The following CCDC57 variants were observed in gnomAD, a reference collection of about 807,000 sequenced individuals.
The protein encoded by CCDC57 is coiled-coil domain-containing protein 57.
In CCDC57, 118 loss-of-function variants were observed where a neutral mutation model predicts 118.9. The ratio of observed to expected loss-of-function variants is 0.99; its 90% CI spans 0.86 to 1.16. The LOEUF (loss-of-function observed/expected upper bound fraction) is 1.16, where lower values mean the gene tolerates loss of function less well. Among genes scored for constraint, CCDC57 ranks in the 50% most tolerant of loss-of-function variants. CCDC57 has a pLI of 0.00. For missense variants in CCDC57, 1,300 were observed against 1,320.7 expected (o/e 0.98, Z 0.24); for synonymous variants, 527 against 532.9 (o/e 0.99, Z 0.15).
At chr17:82,127,792 G>A (rs1317465907) in exon 19 of CCDC57, 1 of 1,613,118 alleles carries the variant, frequency 6.2e-7, no homozygotes. Flanking sequence ...AGGAGGAGGA[G>A]CTGTGGGATT....
intron 4 of CCDC57, among the ~76,000 whole-genome samples, chr17:82,195,922 T>C (rs537576596): frequency 2.0e-5 from 3 of 152,312 alleles, no homozygotes; most frequent in Non-Finnish European, 4.4e-5. Flanking sequence ...CGTTAAAACG[T>C]CACGTTTCCT....
chr17:82,107,920 C>CA (rs1345083742), intron 19 of CCDC57, among the ~76,000 whole-genome samples: 1 of 152,172 alleles, frequency 6.6e-6, no homozygotes, highest in Admixed American at 6.5e-5. Context: ...GGCCCAGAGT[C>CA]ACGGCACGGA....
intron 19 of CCDC57, chr17:82,127,120 G>A: frequency 1.0e-6 from 1 of 985,454 alleles, no homozygotes; most frequent in African/African-American, 1.7e-5. Context: ...GTGACCTGCT[G>A]AGTTTACCAG....
At chr17:82,130,474 C>G (rs10852790) in intron 17 of CCDC57, among the ~76,000 whole-genome samples, 2 of 145,522 alleles carry the variant, frequency 1.4e-5, no homozygotes, top group South Asian at 2.2e-4. Context: ...GGATTACAGG[C>G]GTGAGCCACC....
intron 19 of CCDC57, chr17:82,113,181 C>T (rs935614289): frequency 3.4e-6 from 2 of 582,320 alleles, no homozygotes; most frequent in African/African-American, 1.9e-5. Context: ...CCAAGACTGC[C>T]CTGTCCTTTC....
intron 5 of CCDC57, 24 bp downstream of exon 4, chr17:82,195,239 C>A: frequency 3.9e-6 from 6 of 1,545,036 alleles, no homozygotes; most frequent in Non-Finnish European, 4.4e-6. Flanking sequence ...AAAACCTTCA[C>A]GACCCAAGGG....
At chr17:82,154,175 C>A (rs2042399854) in intron 15 of CCDC57, 1 of 152,364 alleles carries the variant, frequency 6.6e-6, no homozygotes, top group African/African-American at 2.4e-5. Flanking sequence ...TCAGGGAAGC[C>A]CAAAGCCAGG....
rs56298520 is a variant in CCDC57 at position 82,141,177 on chromosome 17, ATTTTT to A, written c.2456-6988_2456-6984del. On this transcript the variant is annotated intron_variant, in intron 16 of 19. Coordinates refer to ENST00000665763, the Ensembl canonical transcript of CCDC57. ...AGGCACGTGCCACCACGCCCGGCTA[ATTTTT>A]TTTTTTTTTTTTTTTTTGTGAGACA... Among the ~76,000 whole-genome samples, 715 of 121,472 alleles carry A rather than the reference ATTTTT, an allele frequency of 5.9e-3. 5 individuals are homozygous for A. Among genetic ancestry groups the A allele is most frequent in the African/African-American group, 0.02 (633 of 31,106 alleles). 79.7% of individuals were successfully genotyped at this position (121,472 alleles called of 152,430 possible). A position where few individuals can be genotyped will look rare whatever the true frequency, so the allele number is the denominator to read the frequency against.
At chr17:82,164,125 C>T (rs773888165) in intron 13 of CCDC57, among the ~76,000 whole-genome samples, 1 of 152,138 alleles carries the variant, frequency 6.6e-6, no homozygotes, top group Non-Finnish European at 1.5e-5. Flanking sequence ...CCTGTAATCT[C>T]AGCACTTTGG....
chr17:82,121,476 C>T (rs546364189), intron 19 of CCDC57, among the ~76,000 whole-genome samples: 45 of 152,364 alleles, frequency 3.0e-4, no homozygotes, highest in Non-Finnish European at 6.0e-4. Flanking sequence ...AGGGAGGCAA[C>T]ATGACCCCCA....
At chr17:82,142,801 C>T (rs2145607942) in intron 16 of CCDC57, among the ~76,000 whole-genome samples, 1 of 152,238 alleles carries the variant, frequency 6.6e-6, no homozygotes. Context: ...TAGTATTCCG[C>T]ACATTTGGTT....
chr17:82,200,004 C>T (rs2048803979), intron 3 of CCDC57, among the ~76,000 whole-genome samples: 1 of 152,208 alleles, frequency 6.6e-6, no homozygotes, highest in Admixed American at 6.5e-5. Context: ...GCTGCAGGGA[C>T]TGCAGACGCG....
chr17:82,200,656 G>C (rs894843694), intron 3 of CCDC57, among the ~76,000 whole-genome samples: 1 of 152,144 alleles, frequency 6.6e-6, no homozygotes, highest in Non-Finnish European at 1.5e-5. Context: ...AGCCGGGCGT[G>C]GTGGTGGGCA....
chr17:82,111,754 C>T (rs892309864), intron 19 of CCDC57, among the ~76,000 whole-genome samples: 1 of 150,312 alleles, frequency 6.7e-6, no homozygotes, highest in Non-Finnish European at 1.5e-5. Context: ...TTACAGGCAC[C>T]TGCCACCATG....
At chr17:82,152,437 GCTGGGCTCCCC>G (rs1199096174) in intron 15 of CCDC57, 1 of 154,640 alleles carries the variant, frequency 6.5e-6, no homozygotes, top group East Asian at 1.9e-4. Flanking sequence ...GCAGGAGCTG[GCTGGGCTCCCC>G]CTTAGCACCC....
chr17:82,180,397 T>C (rs2046057321), intron 9 of CCDC57, among the ~76,000 whole-genome samples: 1 of 152,244 alleles, frequency 6.6e-6, no homozygotes, highest in African/African-American at 2.4e-5. Flanking sequence ...GAACCTGAGA[T>C]AATAAATGGG....
At chr17:82,120,336 CTG>C (rs1419871752) in intron 19 of CCDC57, among the ~76,000 whole-genome samples, 8 of 152,182 alleles carry the variant, frequency 5.3e-5, no homozygotes, top group Non-Finnish European at 8.8e-5. Flanking sequence ...TGTGCATACT[CTG>C]TTACCCACAA....
intron 16 of CCDC57, among the ~76,000 whole-genome samples, chr17:82,141,780 G>A (rs1344028941): frequency 1.3e-5 from 2 of 152,090 alleles, no homozygotes; most frequent in Non-Finnish European, 2.9e-5. Context: ...GATGCCCGGG[G>A]AAAAAACACC....
At chr17:82,204,282 T>C (rs2049338686) in intron 2 of CCDC57, among the ~76,000 whole-genome samples, 1 of 152,076 alleles carries the variant, frequency 6.6e-6, no homozygotes, top group Admixed American at 6.5e-5. Flanking sequence ...CTACCGACCA[T>C]CTCAGCACTC....
Sources: allele counts gnomAD v4.1 joint callset (sites outside exome capture counted in the v4.1 genomes callset), GRCh38; gene constraint gnomAD v4.1.1; transcripts MANE v1.5; gene names NCBI Gene and HGNC (gene_info 2026-07-23, HGNC 2026-07-21).